SCN9A: variants seen among roughly 807,000 people sequenced by gnomAD.
SCN9A encodes sodium voltage-gated channel alpha subunit 9.
A neutral mutation model predicts 187.0 loss-of-function variants in SCN9A; 131 were observed. That is an observed-to-expected ratio of 0.70 (90% confidence interval 0.61 to 0.81). The LOEUF (loss-of-function observed/expected upper bound fraction) is 0.81, where lower values mean the gene tolerates loss of function less well. Among genes scored for constraint, SCN9A ranks in the 30% least tolerant of loss-of-function variants. The pLI is 0.00. For synonymous variants in SCN9A, 809 were observed against 808.6 expected, an observed-to-expected ratio of 1.00 and a Z score of -0.01; for missense variants, 2,252 against 2,396.6, an observed-to-expected ratio of 0.94 and a Z score of 1.26.
chr2:166,373,802 C>T (rs1437382357), intron 1 of SCN9A, among the ~76,000 whole-genome samples: 1 of 152,042 alleles, frequency 6.6e-6, no homozygotes, highest in South Asian at 2.1e-4. Context: ...CATGACTTGT[C>T]TTAGAAAAGT....
chr2:166,218,315 C>T lies in SCN9A; in HGVS notation c.4398+8252G>A, dbSNP rs865897990. Among the ~76,000 whole-genome samples, 15 of 150,912 alleles carry T rather than the reference C, an allele frequency of 9.9e-5. No homozygotes were observed. The Middle Eastern group carries it at 0.01, about 103-fold the overall frequency. ...TAGGAGATATACCTAATGTAAATGA[C>T]GAGTTAATGGGTGCCGCACACCAAC... On this transcript the variant is annotated intron_variant, in intron 24 of 26. Transcript: ENST00000642356.
At chr2:166,236,431 T>TA (rs151076750) in intron 20 of SCN9A, among the ~76,000 whole-genome samples, 7,303 of 151,958 alleles carry the variant, frequency 0.048, 607 homozygotes, top group African/African-American at 0.17. Context: ...ATTATTATTA[T>TA]TTTTTTTGAG....
chr2:166,210,210 A>C (rs1435811702), intron 24 of SCN9A, among the ~76,000 whole-genome samples: 1 of 152,144 alleles, frequency 6.6e-6, no homozygotes, highest in East Asian at 1.9e-4. Flanking sequence ...CGCAAGGAAA[A>C]AAACCAAACA....
chr2:166,294,722 A>C, intron 7 of SCN9A, 60 bp from the exon 8 acceptor site: 1 of 1,208,518 alleles, frequency 8.3e-7, no homozygotes, highest in Non-Finnish European at 1.2e-6. Context: ...GATTGTGATA[A>C]AGGAGGTAAA....
intron 1 of SCN9A, among the ~76,000 whole-genome samples, chr2:166,342,278 G>T (rs1176999515): frequency 2.0e-5 from 3 of 152,158 alleles, no homozygotes; most frequent in Non-Finnish European, 2.9e-5. Context: ...ACTTCAATCA[G>T]TAATAGAACC....
At position 166,304,298 on chromosome 2, in the gene SCN9A, C is replaced by T. The variant is rs200619065; in HGVS notation, c.628G>A (p.Val210Ile). The T allele has an allele frequency of 1.5e-5, 24 of 1,613,252 alleles. No homozygotes were observed. Among genetic ancestry groups the T allele is most frequent in the Non-Finnish European group, 2.0e-5 (24 of 1,179,422 alleles). ...YLTEFVNLGN[V>I]SALRTFRVLR... is the part of the protein sequence containing the mutation. ...ACTCTGAAAGTTCGAAGAGCTGAAACATTGCCTAGGTTTACAAATTCTGTT... is the reference window on the plus strand; with the variant it reads ...ACTCTGAAAGTTCGAAGAGCTGAAATATTGCCTAGGTTTACAAATTCTGTT... Residue 210 changes from valine (V) to isoleucine (I), a missense_variant, in exon 6 of 27, where the codon GTT (valine) becomes ATT (isoleucine). Physicochemically the swap from Val to Ile is conservative, Grantham distance 29. Transcript: ENST00000642356.
chr2:166,325,251 G>A (rs548558816), intron 1 of SCN9A, among the ~76,000 whole-genome samples: 227 of 152,076 alleles, frequency 1.5e-3, no homozygotes, highest in African/African-American at 5.1e-3. Context: ...ATACCTAAGT[G>A]ATAATAGACA....
chr2:166,264,672 T>TAG (rs1696656280), intron 17 of SCN9A, among the ~76,000 whole-genome samples: 1 of 151,994 alleles, frequency 6.6e-6, no homozygotes. Context: ...CCTGAAAACT[T>TAG]ATACTAGGAG....
chr2:166,276,416 A>C (rs545396900), intron 16 of SCN9A: 1 of 152,170 alleles, frequency 6.6e-6, no homozygotes, highest in Non-Finnish European at 1.5e-5. Context: ...GAACACTAAA[A>C]TTTGCATTTC....
chr2:166,369,172 A>ATC lies in SCN9A; in HGVS notation c.-51+6524_-51+6525insGA, dbSNP rs1477516528. On this transcript the variant is annotated intron_variant, in intron 1 of 26. Coordinates refer to ENST00000642356, the MANE Select transcript of SCN9A (RefSeq NM_001365536.1). ...CTAATATATAATATACTCTATATATAACATATAATATAGTCCTTAGAAGTA... is the reference window on the plus strand; with the variant it reads ...CTAATATATAATATACTCTATATATATCACATATAATATAGTCCTTAGAAGTA... Among the ~76,000 whole-genome samples the ATC allele has an allele frequency of 2.0e-5, 3 of 151,800 alleles. No homozygotes were observed. The East Asian group carries it at 5.8e-4, about 29-fold the overall frequency.
intron 2 of SCN9A, among the ~76,000 whole-genome samples, chr2:166,311,293 C>T (rs534892966): frequency 1.7e-4 from 20 of 115,142 alleles, no homozygotes; most frequent in African/African-American, 5.5e-4. Context: ...GAGCCAATTT[C>T]AATGAAAAAT....
At chr2:166,297,718 T>C (rs1422860799) in intron 7 of SCN9A, among the ~76,000 whole-genome samples, 6 of 151,624 alleles carry the variant, frequency 4.0e-5, no homozygotes, top group Non-Finnish European at 1.5e-5. Flanking sequence ...TGAGTATAGT[T>C]TAAAAAATGA....
intron 1 of SCN9A, among the ~76,000 whole-genome samples, chr2:166,362,549 T>C (rs554163756): frequency 6.6e-6 from 1 of 151,978 alleles, no homozygotes; most frequent in Non-Finnish European, 1.5e-5. Flanking sequence ...ATTGGAGTCA[T>C]GAAGAATATT....
rs1260425144 is a variant in SCN9A, at chr2:166,286,353, A to G, written c.1585T>C (p.Leu529=). Residue 529 remains leucine (L), a synonymous_variant, in exon 11 of 27, where the codon TTG becomes CTG. Coordinates refer to ENST00000642356, the MANE Select transcript of SCN9A (RefSeq NM_001365536.1). ...EGHRRAHEKR[L]STPNQSPLSI... is the part of the protein sequence containing the mutation. ...GGTGGTACCTGATTGGGGGTAGACA[A>G]CCTCTTTTCATGTGCTCGCCTATGC... 1.2e-6 allele frequency: 2 copies of G among 1,609,002 alleles called. No individual in the cohort carries two copies. Among genetic ancestry groups the G allele is most frequent in the African/African-American group, 1.3e-5 (1 of 74,542 alleles).
intron 7 of SCN9A, among the ~76,000 whole-genome samples, chr2:166,300,497 G>A (rs1194060873): frequency 6.6e-6 from 1 of 150,596 alleles, no homozygotes; most frequent in Non-Finnish European, 1.5e-5. Flanking sequence ...CCTTTGCATG[G>A]CATTTATTAT....
intron 1 of SCN9A, 123 bp from the exon 2 acceptor site, chr2:166,311,929 A>G: frequency 1.9e-6 from 1 of 537,086 alleles, no homozygotes; most frequent in Non-Finnish European, 3.1e-6. Context: ...ATGTTCTAGA[A>G]TTATCAGCTT....
intron 1 of SCN9A, among the ~76,000 whole-genome samples, chr2:166,327,955 T>A (rs914116351): frequency 6.6e-6 from 1 of 152,198 alleles, no homozygotes; most frequent in South Asian, 2.1e-4. Context: ...ACAATTTAAC[T>A]ATTGTCCATG....
chr2:166,346,518 G>C (rs958127332), intron 1 of SCN9A, among the ~76,000 whole-genome samples: 23 of 152,070 alleles, frequency 1.5e-4, no homozygotes, highest in African/African-American at 5.3e-4. Context: ...ACACAGATGG[G>C]CCTCTAGGGG....
Position 166,271,704 on chromosome 2 carries a change from A to C in SCN9A, c.3351+695T>G, listed in dbSNP as rs529682490. Among the ~76,000 whole-genome samples, 4 of 152,066 alleles carry C rather than the reference A, an allele frequency of 2.6e-5. No homozygotes were observed. In the East Asian group the frequency reaches 7.8e-4, roughly 30 times the overall value. ...ACCTTGTCTCTACAAACTTTTTTAAAAAAATTAGCTGGGTGTTGTGGCATG... is the reference window on the plus strand; with the variant it reads ...ACCTTGTCTCTACAAACTTTTTTAACAAAATTAGCTGGGTGTTGTGGCATG... On this transcript the variant is annotated intron_variant, in intron 17 of 26. Transcript: ENST00000642356.
Sources: allele counts gnomAD v4.1 joint callset (sites outside exome capture counted in the v4.1 genomes callset), GRCh38; gene constraint gnomAD v4.1.1; transcripts MANE v1.5; gene names NCBI Gene and HGNC (gene_info 2026-07-23, HGNC 2026-07-21).